DACH1: variants seen among roughly 807,000 people sequenced by gnomAD.
The protein encoded by DACH1 is dachshund homolog 1.
Under a neutral mutation model 54.2 loss-of-function variants are expected in DACH1, and 12 were observed. The ratio of observed to expected loss-of-function variants is 0.22; its 90% CI spans 0.14 to 0.36. DACH1 has a LOEUF of 0.36. DACH1 is among the 10% of genes least tolerant of loss of function. DACH1 has a pLI of 1.00. For missense variants in DACH1, 805 were observed against 929.8 expected (o/e 0.87, Z 1.75); for synonymous variants, 386 against 366.2 (o/e 1.05, Z -0.62).
Position 71,865,975 on chromosome 13 carries a change from T to C in DACH1, c.795A>G (p.Lys265=). ...TCTCGAAGTCCTTCCTGGAGATGAGTTTGCAGCGGTTCACTCCTGGCTGGA... is the reference window on the plus strand; with the variant it reads ...TCTCGAAGTCCTTCCTGGAGATGAGCTTGCAGCGGTTCACTCCTGGCTGGA... ...GAIQPGVNRC[K]LISRKDFETL... The change falls in exon 1 of 11, where the codon AAA becomes AAG. Residue 265 remains lysine (K), a synonymous_variant. Transcript: ENST00000613252. 1 of 1,613,670 alleles carries C rather than the reference T, an allele frequency of 6.2e-7. No homozygotes were observed. Among genetic ancestry groups the C allele is most frequent in the Non-Finnish European group, 8.5e-7 (1 of 1,179,884 alleles).
chr13:71,455,662 C>T (rs1057429025), intron 10 of DACH1, among the ~76,000 whole-genome samples: 5 of 152,050 alleles, frequency 3.3e-5, no homozygotes, highest in African/African-American at 1.2e-4. Context: ...GAAGTTGTTA[C>T]AGTTTAATGA....
intron 6 of DACH1, among the ~76,000 whole-genome samples, chr13:71,539,972 C>A (rs1415734075): frequency 6.6e-6 from 1 of 151,686 alleles, no homozygotes; most frequent in Non-Finnish European, 1.5e-5. Flanking sequence ...TTAATTGCAT[C>A]AAAAATATGG....
At chr13:71,501,561 T>C (rs1468237107) in intron 6 of DACH1, among the ~76,000 whole-genome samples, 1 of 152,182 alleles carries the variant, frequency 6.6e-6, no homozygotes, top group Non-Finnish European at 1.5e-5. Flanking sequence ...GGTGGAAGTA[T>C]GAGACAAGAT....
intron 1 of DACH1, among the ~76,000 whole-genome samples, chr13:71,710,945 G>C (rs895316043): frequency 6.6e-6 from 1 of 152,068 alleles, no homozygotes; most frequent in Non-Finnish European, 1.5e-5. Context: ...TATTACAGCT[G>C]TTTAGTTCAC....
At chr13:71,665,088 A>C (rs1230002284) in intron 2 of DACH1, among the ~76,000 whole-genome samples, 2 of 152,048 alleles carry the variant, frequency 1.3e-5, no homozygotes, top group Non-Finnish European at 2.9e-5. Context: ...AGGGTAAAGT[A>C]GCATGCTTGG....
intron 1 of DACH1, among the ~76,000 whole-genome samples, chr13:71,750,284 C>A (rs1394512392): frequency 1.3e-5 from 2 of 152,164 alleles, no homozygotes; most frequent in African/African-American, 4.8e-5. Context: ...CTTACCCTAC[C>A]ATGCAATAAT....
chr13:71,448,017 C>T (rs969745140), intron 10 of DACH1, among the ~76,000 whole-genome samples: 15 of 152,250 alleles, frequency 9.9e-5, no homozygotes, highest in African/African-American at 3.6e-4. Flanking sequence ...GGAAGAACTC[C>T]CTCACAAACA....
chr13:71,561,532 TAGA>T (rs1212497166), intron 4 of DACH1, among the ~76,000 whole-genome samples: 2 of 152,148 alleles, frequency 1.3e-5, no homozygotes, highest in African/African-American at 4.8e-5. Context: ...CCAGAAGCTA[TAGA>T]AAGCGAAGGA....
chr13:71,614,264 G>A (rs1352215753), intron 3 of DACH1, among the ~76,000 whole-genome samples: 1 of 152,040 alleles, frequency 6.6e-6, no homozygotes, highest in Non-Finnish European at 1.5e-5. Flanking sequence ...GAATTCCATT[G>A]GTTTTGTCTA....
At chr13:71,791,617 C>T (rs543044491) in intron 1 of DACH1, among the ~76,000 whole-genome samples, 30 of 152,252 alleles carry the variant, frequency 2.0e-4, no homozygotes, top group African/African-American at 6.7e-4. Flanking sequence ...CTTCTGACCT[C>T]GGGTGATCCA....
Position 71,866,263 on chromosome 13 carries a change from C to T in DACH1, c.507G>A (p.Gly169=). 2.5e-6 allele frequency: 4 copies of T among 1,601,648 alleles called. No homozygotes were observed. The highest frequency in any genetic ancestry group is 3.4e-6 in the Non-Finnish European group (4 of 1,173,588). ...SSSSSCGPLP[G]KPVYSTPSPV... is the part of the protein sequence containing the mutation. ...GGGACGGGGTTGAGTACACGGGTTT[C>T]CCGGGGAGGGGGCCGCAGCTGCTGC... The change falls in exon 1 of 11, where the codon GGG becomes GGA. Residue 169 remains glycine, a synonymous_variant. Coordinates refer to ENST00000613252, the MANE Select transcript of DACH1 (RefSeq NM_080759.6).
At chr13:71,591,619 T>G (rs1021254816) in intron 3 of DACH1, among the ~76,000 whole-genome samples, 1 of 152,112 alleles carries the variant, frequency 6.6e-6, no homozygotes, top group African/African-American at 2.4e-5. Context: ...TGTATACTCA[T>G]GAGGGAATGA....
chr13:71,699,865 CTA>C (rs1350836765), intron 1 of DACH1, among the ~76,000 whole-genome samples: 1 of 152,032 alleles, frequency 6.6e-6, no homozygotes, highest in East Asian at 1.9e-4. Flanking sequence ...TATGAAATTG[CTA>C]TAGTCTCACT....
At chr13:71,566,242 C>A (rs1192462775) in intron 4 of DACH1, among the ~76,000 whole-genome samples, 1 of 152,100 alleles carries the variant, frequency 6.6e-6, no homozygotes, top group Non-Finnish European at 1.5e-5. Context: ...TCCTTTGACC[C>A]TTGAGTTTCC....
intron 10 of DACH1, among the ~76,000 whole-genome samples, chr13:71,465,461 T>G (rs1278182606): frequency 6.6e-6 from 1 of 152,102 alleles, no homozygotes; most frequent in Non-Finnish European, 1.5e-5. Flanking sequence ...GGCTAGGATA[T>G]CCTTACCATG....
At chr13:71,541,480 C>T (rs1272025419) in intron 6 of DACH1, among the ~76,000 whole-genome samples, 2 of 151,972 alleles carry the variant, frequency 1.3e-5, no homozygotes, top group African/African-American at 4.8e-5. Flanking sequence ...ATAAAAACAT[C>T]AATTAAAGAA....
intron 6 of DACH1, among the ~76,000 whole-genome samples, chr13:71,502,180 C>A (rs1364490292): frequency 6.6e-6 from 1 of 152,128 alleles, no homozygotes; most frequent in African/African-American, 2.4e-5. Context: ...CGCCTTAGGA[C>A]TTGACTTATT....
chr13:71,711,610 T>A (rs937702495), intron 1 of DACH1, among the ~76,000 whole-genome samples: 5 of 152,160 alleles, frequency 3.3e-5, no homozygotes, highest in Non-Finnish European at 7.4e-5. Context: ...GATGACAGAT[T>A]AAAATAATCA....
At chr13:71,805,717 A>G (rs1030982853) in intron 1 of DACH1, among the ~76,000 whole-genome samples, 2 of 152,200 alleles carry the variant, frequency 1.3e-5, no homozygotes, top group African/African-American at 2.4e-5. Flanking sequence ...TATTTTAGCA[A>G]TAATTAGGAG....
Sources: gnomAD v4.1 joint callset for allele counts (sites outside exome capture counted in the v4.1 genomes callset) on GRCh38, gnomAD v4.1.1 for gene constraint, MANE v1.5 for transcripts, NCBI Gene and HGNC (gene_info 2026-07-23, HGNC 2026-07-21) for gene names.